The following ADAMTS3 variants were observed in gnomAD, a reference collection of about 807,000 sequenced individuals.
ADAMTS3 encodes the protein ADAM metallopeptidase with thrombospondin type 1 motif 3, also known as A disintegrin and metalloproteinase with thrombospondin motifs 3.
In ADAMTS3, 73 loss-of-function variants were observed where a neutral mutation model predicts 129.0. That is an observed-to-expected ratio of 0.57 (90% CI 0.47 to 0.69). The LOEUF is 0.69. Among genes scored for constraint, ADAMTS3 ranks in the 30% least tolerant of loss-of-function variants. ADAMTS3 has a pLI of 0.00. For missense variants in ADAMTS3, 1,457 were observed against 1,514.5 expected, an observed-to-expected ratio of 0.96 and a Z score of 0.63; for synonymous variants, 477 against 510.8, an observed-to-expected ratio of 0.93 and a Z score of 0.89.
rs1436720379 is a variant in ADAMTS3, at chr4:72,530,082, T to A, written c.504+18396A>T. Reference sequence around the variant, plus strand: ...ATATGTTATATATAACATATTATATTTATATATAATATGTTATATATAACA... The same window carrying A: ...ATATGTTATATATAACATATTATATATATATATAATATGTTATATATAACA... On this transcript the variant is annotated intron_variant, in intron 3 of 21. Coordinates refer to ENST00000286657, the MANE Select transcript of ADAMTS3 (RefSeq NM_014243.3). 2.9e-3 allele frequency among the ~76,000 whole-genome samples: 5 copies of A among 1,732 alleles called. 2 individuals carry two copies. In the African/African-American group the frequency reaches 0.031, roughly 11 times the overall value. The allele number at this position is 1,732 out of a possible 152,430, so 1.1% of individuals were successfully genotyped here.
intron 3 of ADAMTS3, among the ~76,000 whole-genome samples, chr4:72,530,276 A>G (rs1188032082): frequency 8.5e-5 from 7 of 82,708 alleles, no homozygotes; most frequent in Non-Finnish European, 1.2e-4. Flanking sequence ...ATAATATATA[A>G]TATATAATAA....
intron 3 of ADAMTS3, among the ~76,000 whole-genome samples, chr4:72,541,384 A>G (rs1423022623): frequency 6.6e-6 from 1 of 152,200 alleles, no homozygotes; most frequent in Non-Finnish European, 1.5e-5. Context: ...ACAGGCTCAT[A>G]GGTGGAAGGG....
At chr4:72,345,813 T>C (rs888319710) in intron 4 of ADAMTS3, among the ~76,000 whole-genome samples, 1 of 152,188 alleles carries the variant, frequency 6.6e-6, no homozygotes, top group African/African-American at 2.4e-5. Flanking sequence ...GTTTTAATGC[T>C]TTGGGTTTGT....
In ADAMTS3 at chr4:72,339,420, T is replaced by C. The variant is rs112799617; in HGVS notation, c.861+74A>G. 28 of 1,461,934 alleles carry C rather than the reference T, an allele frequency of 1.9e-5. No homozygotes were observed. In the Middle Eastern group the frequency reaches 7.3e-4, roughly 38 times the overall value. The allele number at this position is 1,461,934 out of a possible 1,614,324, so 90.6% of individuals were successfully genotyped here. A position where few individuals can be genotyped will look rare whatever the true frequency, so the allele number is the denominator to read the frequency against. ...ACAGTCATGGAAGTTCTCACACAGATTGCCAAAGGGTACCAACAAATAAGA... is the reference window on the plus strand; with the variant it reads ...ACAGTCATGGAAGTTCTCACACAGACTGCCAAAGGGTACCAACAAATAAGA... On this transcript the variant is annotated intron_variant, in intron 5 of 21. Transcript: ENST00000286657.
chr4:72,327,821 T>C (rs966339659), intron 5 of ADAMTS3, among the ~76,000 whole-genome samples: 8 of 152,188 alleles, frequency 5.3e-5, no homozygotes, highest in Non-Finnish European at 7.3e-5. Context: ...ATTTGCAGCT[T>C]CTTTTCATAA....
At chr4:72,357,922 CA>C (rs1309676640) in intron 4 of ADAMTS3, among the ~76,000 whole-genome samples, 1 of 151,750 alleles carries the variant, frequency 6.6e-6, no homozygotes, top group East Asian at 1.9e-4. Context: ...GTAGAACATC[CA>C]AAAAAATTCC....
chr4:72,443,228 AAAGT>A (rs1718164602), intron 3 of ADAMTS3, among the ~76,000 whole-genome samples: 2 of 151,734 alleles, frequency 1.3e-5, no homozygotes, highest in Admixed American at 1.3e-4. Context: ...TCACCAGGAC[AAAGT>A]CAGTTTCATC....
chr4:72,410,925 A>G (rs1348298047), intron 4 of ADAMTS3, among the ~76,000 whole-genome samples: 3 of 152,092 alleles, frequency 2.0e-5, no homozygotes, highest in Admixed American at 1.3e-4. Context: ...TTGTGTAATG[A>G]AAAGGATGCT....
intron 6 of ADAMTS3, among the ~76,000 whole-genome samples, chr4:72,322,550 T>G (rs946809742): frequency 6.6e-6 from 1 of 152,202 alleles, no homozygotes; most frequent in Non-Finnish European, 1.5e-5. Flanking sequence ...ATATAAAATA[T>G]TGTTTTTAGC....
chr4:72,504,499 T>C (rs1306782215), intron 3 of ADAMTS3, among the ~76,000 whole-genome samples: 2 of 152,140 alleles, frequency 1.3e-5, no homozygotes, highest in African/African-American at 2.4e-5. Context: ...CATTTAATTT[T>C]TTTTCTTTAG....
intron 2 of ADAMTS3, among the ~76,000 whole-genome samples, chr4:72,566,858 A>C (rs995754286): frequency 2.1e-4 from 32 of 152,356 alleles, no homozygotes; most frequent in Middle Eastern, 6.8e-3. Flanking sequence ...AAGGCCTAAC[A>C]GTATCTTTCA....
chr4:72,376,105 T>C (rs1017540564), intron 4 of ADAMTS3, among the ~76,000 whole-genome samples: 3 of 152,200 alleles, frequency 2.0e-5, no homozygotes, highest in Admixed American at 6.5e-5. Flanking sequence ...GTGCAGATTA[T>C]GTGGAAGTGC....
At chr4:72,308,005 G>A (rs1443157463) in intron 15 of ADAMTS3, among the ~76,000 whole-genome samples, 2 of 151,810 alleles carry the variant, frequency 1.3e-5, no homozygotes, top group African/African-American at 2.4e-5. Context: ...AATATACAAT[G>A]AATGAACATG....
chr4:72,530,411 TATAA>T (rs1720979320), intron 3 of ADAMTS3, among the ~76,000 whole-genome samples: 1 of 86,828 alleles, frequency 1.2e-5, no homozygotes, highest in Non-Finnish European at 2.0e-5. Flanking sequence ...GAATTTAATA[TATAA>T]TATATATTAA....
In ADAMTS3 at chr4:72,348,060, GTTAATA is replaced by G. The variant is rs561276032; in HGVS notation, c.662-8373_662-8368del. Among the ~76,000 whole-genome samples, 64 of 152,060 alleles carry G rather than the reference GTTAATA, an allele frequency of 4.2e-4. 1 individual carries two copies. In the South Asian group the frequency reaches 0.013, roughly 30 times the overall value. ...GTCATTATAGCCAAATGACTAATATGTTAATATTAATATTAACACTTGCCATTTATT... is the reference window on the plus strand; with the variant it reads ...GTCATTATAGCCAAATGACTAATATGTTAATATTAACACTTGCCATTTATT... On this transcript the variant is annotated intron_variant, in intron 4 of 21. Transcript: ENST00000286657.
At chr4:72,355,605 A>G (rs1720562867) in intron 4 of ADAMTS3, among the ~76,000 whole-genome samples, 1 of 151,994 alleles carries the variant, frequency 6.6e-6, no homozygotes, top group Non-Finnish European at 1.5e-5. Flanking sequence ...ATGTGACATC[A>G]TAGTATTCAT....
chr4:72,305,884 G>T, intron 16 of ADAMTS3, 103 bp downstream of exon 16: 2 of 932,478 alleles, frequency 2.1e-6, no homozygotes, highest in Non-Finnish European at 3.4e-6. Flanking sequence ...ATATACGTAT[G>T]CACATATATG....
intron 3 of ADAMTS3, among the ~76,000 whole-genome samples, chr4:72,454,861 C>T (rs1390695539): frequency 6.6e-6 from 1 of 151,622 alleles, no homozygotes; most frequent in African/African-American, 2.4e-5. Flanking sequence ...GGTGAGGGAA[C>T]TGGTTCTCAT....
At chr4:72,312,952 G>A (rs552142310) in intron 12 of ADAMTS3, among the ~76,000 whole-genome samples, 1 of 152,208 alleles carries the variant, frequency 6.6e-6, no homozygotes, top group Non-Finnish European at 1.5e-5. Context: ...AACTTTAGCT[G>A]ATCTTTTAAT....
Sources: allele counts gnomAD v4.1 joint callset (sites outside exome capture counted in the v4.1 genomes callset), GRCh38; gene constraint gnomAD v4.1.1; transcripts MANE v1.5; gene names NCBI Gene and HGNC (gene_info 2026-07-23, HGNC 2026-07-21).